The following DPP8 variants were observed in gnomAD, a reference collection of about 807,000 sequenced individuals.
DPP8 encodes the protein dipeptidyl peptidase 8.
Under a neutral mutation model 107.5 loss-of-function variants are expected in DPP8, and 31 were observed. That is an observed-to-expected ratio of 0.29 (90% CI 0.22 to 0.39). DPP8 has a LOEUF of 0.39. Among genes scored for constraint, DPP8 ranks in the 10% least tolerant of loss-of-function variants. The probability of loss-of-function intolerance (pLI) is 1.00; values close to 1 mark genes in which losing one functional copy is unlikely to be tolerated. For synonymous variants in DPP8, 381 were observed against 356.6 expected, an observed-to-expected ratio of 1.07 and a Z score of -0.77; for missense variants, 842 against 1,076.1, an observed-to-expected ratio of 0.78 and a Z score of 3.04.
chr15:65,456,994 G>A lies in DPP8; in HGVS notation c.1972-623C>T, dbSNP rs144835624. ...CATGGCTCATTCCTTCTCAATGTTT[G>A]TAACCTCAGGAGAGGTCTTGCCATC... On this transcript the variant is annotated intron_variant, in intron 15 of 19. Coordinates refer to ENST00000300141, the MANE Select transcript of DPP8 (RefSeq NM_130434.5). 6.6e-5 allele frequency among the ~76,000 whole-genome samples: 10 copies of A among 152,250 alleles called. No individual in the cohort carries two copies. In the East Asian group the frequency reaches 1.9e-3, roughly 29 times the overall value.
intron 1 of DPP8, chr15:65,517,163 C>T (rs1223683792): frequency 6.6e-6 from 1 of 152,322 alleles, no homozygotes; most frequent in Non-Finnish European, 1.5e-5. Flanking sequence ...GCTGACAATA[C>T]CCGGCCTCCC....
intron 3 of DPP8, among the ~76,000 whole-genome samples, chr15:65,506,243 C>T (rs2069968997): frequency 6.6e-6 from 1 of 151,746 alleles, no homozygotes; most frequent in Non-Finnish European, 1.5e-5. Context: ...GTAGGAGAAT[C>T]GCTTGAACCC....
At chr15:65,464,834 A>G (rs1280049983) in intron 14 of DPP8, among the ~76,000 whole-genome samples, 2 of 152,244 alleles carry the variant, frequency 1.3e-5, no homozygotes, top group Admixed American at 6.5e-5. Context: ...TTTATGCTCA[A>G]TATAACTTAT....
At chr15:65,467,307 G>A in intron 12 of DPP8, 84 bp from the exon 13 acceptor site, 1 of 1,374,046 alleles carries the variant, frequency 7.3e-7, no homozygotes, top group South Asian at 1.3e-5. Context: ...AATCACTTGA[G>A]CCACTCCTTG....
chr15:65,515,859 G>A, intron 1 of DPP8: 1 of 612,212 alleles, frequency 1.6e-6, no homozygotes, highest in Non-Finnish European at 2.8e-6. Flanking sequence ...TGGCCAAAAA[G>A]AGAAGCCCCA....
At chr15:65,475,367 G>C in intron 11 of DPP8, 1 of 1,412,688 alleles carries the variant, frequency 7.1e-7, no homozygotes. Context: ...GGCTTTGGAG[G>C]AACAGGAGAA....
At chr15:65,495,991 CT>C (rs1182608384) in intron 5 of DPP8, among the ~76,000 whole-genome samples, 151 of 144,774 alleles carry the variant, frequency 1.0e-3, no homozygotes, top group Non-Finnish European at 1.1e-3. Flanking sequence ...TTTCTTTTTT[CT>C]TTTTTTTTTT....
chr15:65,469,640 C>CA (rs1344934060), intron 12 of DPP8, among the ~76,000 whole-genome samples: 1 of 50,826 alleles, frequency 2.0e-5, no homozygotes, highest in African/African-American at 1.0e-4. Flanking sequence ...GCAACAAAAG[C>CA]AAAACTCCGT....
Position 65,483,296 on chromosome 15 carries a change from G to A in DPP8, c.1018-1681C>T, listed in dbSNP as rs548502730. On this transcript the variant is annotated intron_variant, in intron 8 of 19. Transcript: ENST00000300141. The stretch of plus-strand genomic sequence containing the variant: ...TCCCAGCACTTTGGGAGGCTGAAGT[G>A]AGAGGATCACTTGGGCCCAGGAGTG... Among the ~76,000 whole-genome samples, 13 of 152,176 alleles carry A rather than the reference G, an allele frequency of 8.5e-5. No individual in the cohort carries two copies. In the Middle Eastern group the frequency reaches 0.01, roughly 119 times the overall value.
At chr15:65,449,118 G>A (rs1017118971) in intron 19 of DPP8, among the ~76,000 whole-genome samples, 2 of 142,978 alleles carry the variant, frequency 1.4e-5, no homozygotes, top group African/African-American at 2.5e-5. Flanking sequence ...GCTGAGGCAT[G>A]AGAACTGCTT....
Position 65,448,865 on chromosome 15 carries a change from A to AATATAT in DPP8, c.2527-1865_2527-1860dup, listed in dbSNP as rs58549410. On this transcript the variant is annotated intron_variant, in intron 19 of 19. Coordinates refer to ENST00000300141, the MANE Select transcript of DPP8 (RefSeq NM_130434.5). ...ATATAAAATATACATATATATCTAA[A>AATATAT]ATATATATATATATATATATATATA... Among the ~76,000 whole-genome samples the AATATAT allele has an allele frequency of 1.1e-3, 59 of 53,254 alleles. 2 individuals are homozygous for AATATAT. Among genetic ancestry groups the AATATAT allele is most frequent in the Non-Finnish European group, 1.8e-3 (45 of 25,382 alleles). The allele number at this position is 53,254 out of a possible 152,430, so 34.9% of individuals were successfully genotyped here.
At chr15:65,460,276 T>C (rs1253508876) in intron 15 of DPP8, among the ~76,000 whole-genome samples, 1 of 151,912 alleles carries the variant, frequency 6.6e-6, no homozygotes, top group East Asian at 1.9e-4. Flanking sequence ...ACCCTGTCTC[T>C]ACTAAAAATA....
Position 65,487,753 on chromosome 15 carries a change from T to C in DPP8, c.892A>G (p.Ile298Val). The C allele has an allele frequency of 6.2e-7, 1 of 1,602,578 alleles. No individual in the cohort carries two copies. Among genetic ancestry groups the C allele is most frequent in the Non-Finnish European group, 8.5e-7 (1 of 1,170,472 alleles). ...TCCAACATAGGGGATGTAACATGAA[T>C]AATTTCCACCTCAGATTCATCATTT... ...EENDESEVEI[I>V]HVTSPMLETR... Residue 298 changes from isoleucine to valine, a missense_variant, in exon 7 of 20, where the codon ATT becomes GTT. By Grantham distance (29) the Ile-to-Val change is conservative (BLOSUM62 3). This residue lies in a region of DPP8 where 663 missense variants were observed against 758.0 expected (regional missense o/e 0.87). Transcript: ENST00000300141.
Position 65,442,686 on chromosome 15 carries a change from T to A in DPP8, c.*4198A>T, listed in dbSNP as rs1428860913. On this transcript the variant is annotated 3_prime_UTR_variant, in exon 20 of 20. Coordinates refer to ENST00000300141, the MANE Select transcript of DPP8 (RefSeq NM_130434.5). ...TGAATTCCAATTTTGCTGAATACAA[T>A]ATAAATTTGTTTTGGGGTTACTTAA... 1 of 152,224 alleles carries A rather than the reference T, an allele frequency of 6.6e-6. No homozygotes were observed. Among genetic ancestry groups the A allele is most frequent in the African/African-American group, 2.4e-5 (1 of 41,470 alleles). 9.4% of individuals were successfully genotyped at this position (152,224 alleles called of 1,614,324 possible). A position where few individuals can be genotyped will look rare whatever the true frequency, so the allele number is the denominator to read the frequency against.
At chr15:65,449,140 G>T (rs1231470973) in intron 19 of DPP8, among the ~76,000 whole-genome samples, 1 of 144,544 alleles carries the variant, frequency 6.9e-6, no homozygotes, top group Admixed American at 7.1e-5. Context: ...AACCCGGGAG[G>T]CAGAGGTTGC....
intron 7 of DPP8, among the ~76,000 whole-genome samples, chr15:65,486,779 T>C (rs144530655): frequency 0.048 from 7,278 of 152,162 alleles, 597 homozygotes; most frequent in African/African-American, 0.17. Flanking sequence ...GGAGCTAAGC[T>C]ATGAGGACAC....
At chr15:65,450,842 C>A in intron 19 of DPP8, 157 bp downstream of exon 19, 1 of 526,188 alleles carries the variant, frequency 1.9e-6, no homozygotes. Context: ...TAATTTTTAT[C>A]CAACTACAGG....
chr15:65,467,126 C>G lies in DPP8; in HGVS notation c.1634G>C (p.Gly545Ala). The change falls in exon 13 of 20, where the codon GGA (glycine) becomes GCA (alanine). Residue 545 changes from glycine to alanine, a missense_variant. Coordinates refer to ENST00000300141, the MANE Select transcript of DPP8 (RefSeq NM_130434.5). Reference sequence around the variant, plus strand: ...ACGGTCAGTCAGCCTTGTCACCTCTCCAGGATTTACGTAACTGACTACGTA... The same window carrying G: ...ACGGTCAGTCAGCCTTGTCACCTCTGCAGGATTTACGTAACTGACTACGTA... ...HLYVVSYVNPGEVTRLTDRGY... is the reference protein window; with the variant it reads ...HLYVVSYVNPAEVTRLTDRGY... 6.2e-7 allele frequency: 1 copy of G among 1,614,166 alleles called. No individual in the cohort carries two copies. The highest frequency in any genetic ancestry group is 1.7e-5 in the Admixed American group (1 of 60,010).
At chr15:65,490,439 G>A in intron 5 of DPP8, 140 bp from the exon 6 acceptor site, 2 of 657,416 alleles carry the variant, frequency 3.0e-6, no homozygotes, top group South Asian at 1.7e-5. Flanking sequence ...TCAAATCTGG[G>A]GTCCATAATG....
Sources: gnomAD v4.1 joint callset for allele counts (sites outside exome capture counted in the v4.1 genomes callset) on GRCh38, gnomAD v4.1.1 for gene constraint, gnomAD v4.1.1 regional missense constraint, MANE v1.5 for transcripts, NCBI Gene and HGNC (gene_info 2026-07-23, HGNC 2026-07-21) for gene names.